Variants in ADGRL2 observed in about 807,000 individuals in gnomAD.
ADGRL2 encodes calcium-independent alpha-latrotoxin receptor 2.
A neutral mutation model predicts 157.4 loss-of-function variants in ADGRL2; 44 were observed. That is an observed-to-expected ratio of 0.28 (90% CI 0.22 to 0.36). The LOEUF is 0.36. Among genes scored for constraint, ADGRL2 ranks in the 10% least tolerant of loss-of-function variants. The pLI, the probability that ADGRL2 is intolerant of heterozygous loss-of-function variation, is 1.00. For missense variants in ADGRL2, 1,510 were observed against 1,768.9 expected (o/e 0.85, Z 2.63); for synonymous variants, 585 against 624.7 (o/e 0.94, Z 0.95).
intron 1 of ADGRL2, among the ~76,000 whole-genome samples, chr1:81,746,905 C>T (rs555899677): frequency 6.9e-6 from 1 of 145,872 alleles, no homozygotes; most frequent in Non-Finnish European, 1.5e-5. Flanking sequence ...CGTATATACA[C>T]ACGTGCACAC....
intron 3 of ADGRL2, among the ~76,000 whole-genome samples, chr1:81,633,905 A>G (rs1201827046): frequency 6.6e-6 from 1 of 152,200 alleles, no homozygotes; most frequent in Non-Finnish European, 1.5e-5. Flanking sequence ...AGTAACATAA[A>G]TGACTCTGGA....
intron 1 of ADGRL2, among the ~76,000 whole-genome samples, chr1:81,393,625 T>A (rs1411868598): frequency 6.6e-6 from 1 of 152,148 alleles, no homozygotes; most frequent in Non-Finnish European, 1.5e-5. Context: ...GAGAGGCATA[T>A]GTGAATCAAG....
chr1:81,944,881 C>G (rs773596660), intron 6 of ADGRL2, among the ~76,000 whole-genome samples: 1 of 151,946 alleles, frequency 6.6e-6, no homozygotes, highest in African/African-American at 2.4e-5. Context: ...TATTGTCATA[C>G]GGTCAGGACC....
intron 2 of ADGRL2, among the ~76,000 whole-genome samples, chr1:81,516,589 A>G: frequency 6.6e-6 from 1 of 152,248 alleles, no homozygotes; most frequent in East Asian, 1.9e-4. Context: ...TAATTGTAAG[A>G]AATGTTTTCA....
chr1:81,880,685 G>A (rs568626368), intron 2 of ADGRL2, among the ~76,000 whole-genome samples: 10 of 133,568 alleles, frequency 7.5e-5, no homozygotes, highest in Admixed American at 5.6e-4. Flanking sequence ...GCCCCATTCC[G>A]TCCAGTGCAC....
At chr1:81,790,955 T>C (rs569275500) in intron 2 of ADGRL2, among the ~76,000 whole-genome samples, 3 of 151,376 alleles carry the variant, frequency 2.0e-5, no homozygotes, top group African/African-American at 7.3e-5. Context: ...TCCCAGCTTC[T>C]TTGTGGAGGA....
At chr1:81,460,147 G>T (rs1216859583) in intron 2 of ADGRL2, among the ~76,000 whole-genome samples, 1 of 151,790 alleles carries the variant, frequency 6.6e-6, no homozygotes, top group African/African-American at 2.4e-5. Context: ...TTCTTAGGTT[G>T]CTTTTTCACT....
intron 2 of ADGRL2, among the ~76,000 whole-genome samples, chr1:81,769,201 C>A (rs2086257080): frequency 6.6e-6 from 1 of 152,056 alleles, no homozygotes; most frequent in African/African-American, 2.4e-5. Context: ...TTTTTCATTT[C>A]TTTAAGGTGC....
intron 3 of ADGRL2, among the ~76,000 whole-genome samples, chr1:81,667,569 T>TAC (rs1178745766): frequency 3.3e-5 from 5 of 152,230 alleles, no homozygotes; most frequent in African/African-American, 1.2e-4. Context: ...ACATACTTTG[T>TAC]ACTTTTTATC....
At chr1:81,849,037 G>A (rs1372598756) in intron 2 of ADGRL2, among the ~76,000 whole-genome samples, 1 of 151,900 alleles carries the variant, frequency 6.6e-6, no homozygotes, top group African/African-American at 2.4e-5. Context: ...TAAGCAAATA[G>A]CAACCATCCC....
At chr1:81,965,661 G>T (rs988307554) in intron 11 of ADGRL2, among the ~76,000 whole-genome samples, 1 of 152,102 alleles carries the variant, frequency 6.6e-6, no homozygotes, top group African/African-American at 2.4e-5. Context: ...TCATTGAAAA[G>T]TTACTTAATA....
chr1:81,860,218 G>A lies in ADGRL2; in HGVS notation c.73+23161G>A, dbSNP rs1014436252. Among the ~76,000 whole-genome samples, 11 of 152,024 alleles carry A rather than the reference G, an allele frequency of 7.2e-5. No homozygotes were observed. The South Asian group carries it at 1.0e-3, about 14-fold the overall frequency. ...CAGCCTGGCGACAGAGTGAGACTTC[G>A]TCTCAAAACAAAACAAAACAAAACA... On this transcript the variant is annotated intron_variant, in intron 2 of 23. Coordinates refer to ENST00000686636, the MANE Select transcript of ADGRL2 (RefSeq NM_001366006.2).
chr1:81,474,877 C>T (rs2101886787), intron 2 of ADGRL2, among the ~76,000 whole-genome samples: 1 of 152,150 alleles, frequency 6.6e-6, no homozygotes, highest in East Asian at 1.9e-4. Flanking sequence ...TACTTTTCAT[C>T]ATTATTTTAT....
chr1:81,828,972 C>A (rs568289749), intron 1 of ADGRL2, among the ~76,000 whole-genome samples: 1 of 151,450 alleles, frequency 6.6e-6, no homozygotes, highest in Admixed American at 6.6e-5. Context: ...AGTGCAGTGG[C>A]GCTATCTTGG....
chr1:81,334,823 G>A (rs1004968988), intron 1 of ADGRL2, among the ~76,000 whole-genome samples: 1 of 152,172 alleles, frequency 6.6e-6, no homozygotes, highest in Non-Finnish European at 1.5e-5. Context: ...TTAGTTGCCA[G>A]TCAGGGACAC....
At chr1:81,503,961 T>G (rs2078912223) in intron 2 of ADGRL2, among the ~76,000 whole-genome samples, 1 of 152,140 alleles carries the variant, frequency 6.6e-6, no homozygotes, top group Non-Finnish European at 1.5e-5. Context: ...CTGCTGAGCA[T>G]GGTTGGTGCC....
chr1:81,411,068 A>G (rs1570892159), intron 1 of ADGRL2, among the ~76,000 whole-genome samples: 1 of 152,232 alleles, frequency 6.6e-6, no homozygotes, highest in Admixed American at 6.5e-5. Flanking sequence ...AGTTGCCACT[A>G]TTACTGGCTC....
chr1:81,929,718 A>G (rs2095186562), intron 3 of ADGRL2, among the ~76,000 whole-genome samples: 1 of 152,194 alleles, frequency 6.6e-6, no homozygotes, highest in Non-Finnish European at 1.5e-5. Flanking sequence ...AGTAAAGAGT[A>G]CGCACAGTGC....
intron 1 of ADGRL2, among the ~76,000 whole-genome samples, chr1:81,405,571 G>T (rs1329794550): frequency 6.7e-6 from 1 of 150,022 alleles, no homozygotes; most frequent in East Asian, 2.0e-4. Context: ...GATCACCTGA[G>T]CCTGGGAGGC....
Sources: gnomAD v4.1 joint callset for allele counts (sites outside exome capture counted in the v4.1 genomes callset) on GRCh38, gnomAD v4.1.1 for gene constraint, MANE v1.5 for transcripts, NCBI Gene and HGNC (gene_info 2026-07-23, HGNC 2026-07-21) for gene names.